The following NLGN1 variants were observed in gnomAD, a reference collection of about 807,000 sequenced individuals.
NLGN1 encodes neuroligin 1, also known as neuroligin-1.
Under a neutral mutation model 65.5 loss-of-function variants are expected in NLGN1, and 12 were observed. That is an observed-to-expected ratio of 0.18 (90% CI 0.12 to 0.30). The LOEUF (loss-of-function observed/expected upper bound fraction) is 0.30, where lower values mean the gene tolerates loss of function less well. NLGN1 is among the 10% of genes least tolerant of loss of function. NLGN1 has a pLI of 1.00. For missense variants in NLGN1, 750 were observed against 1,007.1 expected (o/e 0.74, Z 3.46); for synonymous variants, 350 against 359.5 (o/e 0.97, Z 0.30).
chr3:173,649,571 C>T (rs538990750), intron 3 of NLGN1, among the ~76,000 whole-genome samples: 2 of 151,980 alleles, frequency 1.3e-5, no homozygotes, highest in Non-Finnish European at 1.5e-5. Context: ...TCTTTTTCAC[C>T]TTCACATTCC....
At chr3:174,131,172 G>A (rs578091544) in intron 4 of NLGN1, among the ~76,000 whole-genome samples, 3 of 152,138 alleles carry the variant, frequency 2.0e-5, no homozygotes, top group East Asian at 1.9e-4. Context: ...TTTCTCCAAG[G>A]CTAATGTACG....
intron 3 of NLGN1, among the ~76,000 whole-genome samples, chr3:173,791,868 C>G (rs1188616421): frequency 6.6e-6 from 1 of 152,142 alleles, no homozygotes; most frequent in South Asian, 2.1e-4. Flanking sequence ...GTTTCTTCAC[C>G]TGTGAAATGA....
At chr3:173,843,910 T>C (rs1725272825) in intron 4 of NLGN1, among the ~76,000 whole-genome samples, 1 of 152,200 alleles carries the variant, frequency 6.6e-6, no homozygotes. Context: ...TAGTCCATTT[T>C]CATGCTGCTG....
intron 4 of NLGN1, among the ~76,000 whole-genome samples, chr3:174,170,210 T>G (rs771397408): frequency 6.6e-6 from 1 of 151,718 alleles, no homozygotes; most frequent in African/African-American, 2.4e-5. Context: ...ACCTCTAATC[T>G]ATCATCTTTG....
At chr3:173,455,272 T>A (rs1210797369) in intron 2 of NLGN1, among the ~76,000 whole-genome samples, 2 of 152,154 alleles carry the variant, frequency 1.3e-5, no homozygotes, top group Non-Finnish European at 2.9e-5. Context: ...TGGTGAGACC[T>A]GGAGCAAGGG....
In NLGN1 at chr3:173,680,052, A is replaced by T. The variant is rs768388978; in HGVS notation, c.493+74961A>T. ...TGGCTGGAGAAAAAGAAATAAATGAATGGAGAAATATGTTCTGGAAAAGTG... is the reference window on the plus strand; with the variant it reads ...TGGCTGGAGAAAAAGAAATAAATGATTGGAGAAATATGTTCTGGAAAAGTG... On this transcript the variant is annotated intron_variant, in intron 3 of 6. Coordinates refer to ENST00000457714, the Ensembl canonical transcript of NLGN1. Among the ~76,000 whole-genome samples, 49 of 152,154 alleles carry T rather than the reference A, an allele frequency of 3.2e-4. 3 individuals carry two copies.
At chr3:173,981,788 A>G (rs935134926) in intron 4 of NLGN1, among the ~76,000 whole-genome samples, 1 of 152,124 alleles carries the variant, frequency 6.6e-6, no homozygotes, top group Non-Finnish European at 1.5e-5. Context: ...AATAACACAC[A>G]TATTTATACT....
chr3:174,122,075 T>C (rs941048256), intron 4 of NLGN1, among the ~76,000 whole-genome samples: 1 of 152,184 alleles, frequency 6.6e-6, no homozygotes, highest in Non-Finnish European at 1.5e-5. Context: ...AAATTCCTTC[T>C]CCTTTGGACT....
intron 2 of NLGN1, among the ~76,000 whole-genome samples, chr3:173,446,060 CT>C (rs554305581): frequency 1.2e-3 from 170 of 145,138 alleles, no homozygotes; most frequent in African/African-American, 2.7e-3. Context: ...TTCTTTTTTT[CT>C]TTTTTTTTTT....
intron 4 of NLGN1, among the ~76,000 whole-genome samples, chr3:174,221,307 A>C (rs1738597703): frequency 6.6e-6 from 1 of 152,146 alleles, no homozygotes; most frequent in South Asian, 2.1e-4. Flanking sequence ...CCAGAGGGTA[A>C]GGCTGTTTGC....
intron 4 of NLGN1, among the ~76,000 whole-genome samples, chr3:173,913,520 C>T (rs892825828): frequency 2.0e-5 from 3 of 152,092 alleles, no homozygotes; most frequent in African/African-American, 7.2e-5. Context: ...AGCCCAGGAA[C>T]GAGTGAAGAA....
At chr3:173,584,399 A>ATT (rs66827074) in intron 2 of NLGN1, among the ~76,000 whole-genome samples, 2,427 of 30,826 alleles carry the variant, frequency 0.079, 463 homozygotes, top group East Asian at 0.15. Context: ...GGTCCTCGGC[A>ATT]TTTTTTTTTT....
At chr3:173,725,605 T>C (rs187886389) in intron 3 of NLGN1, among the ~76,000 whole-genome samples, 1 of 152,350 alleles carries the variant, frequency 6.6e-6, no homozygotes, top group East Asian at 1.9e-4. Context: ...AGGTATTGCA[T>C]TAGTTTTCTA....
chr3:173,967,994 G>A (rs189763540), intron 4 of NLGN1, among the ~76,000 whole-genome samples: 2 of 152,260 alleles, frequency 1.3e-5, no homozygotes, highest in East Asian at 1.9e-4. Flanking sequence ...TAGCTGACGC[G>A]TGTTCCAGTA....
chr3:173,524,221 C>T (rs375354305), intron 2 of NLGN1, among the ~76,000 whole-genome samples: 11 of 152,046 alleles, frequency 7.2e-5, no homozygotes, highest in East Asian at 3.9e-4. Flanking sequence ...CCACTGTGCC[C>T]GGCCTCATAT....
chr3:174,032,507 G>A (rs1436540712), intron 4 of NLGN1, among the ~76,000 whole-genome samples: 2 of 152,150 alleles, frequency 1.3e-5, no homozygotes, highest in African/African-American at 4.8e-5. Flanking sequence ...TGGGGAACTT[G>A]TTAGAAATGC....
chr3:173,983,624 G>A (rs1420079538), intron 4 of NLGN1, among the ~76,000 whole-genome samples: 3 of 152,016 alleles, frequency 2.0e-5, no homozygotes, highest in African/African-American at 7.2e-5. Context: ...TGTAGTCTCT[G>A]ACTCGTGCCC....
rs112560290 is a variant in NLGN1 at position 173,797,696 on chromosome 3, C to CAAAA, written c.494-9982_494-9981insAAAA. Among the ~76,000 whole-genome samples the CAAAA allele has an allele frequency of 2.1e-4, 30 of 144,732 alleles. 1 individual carries two copies. Among genetic ancestry groups the CAAAA allele is most frequent in the Admixed American group, 3.4e-4 (5 of 14,736 alleles). The allele number at this position is 144,732 out of a possible 152,430, so 94.9% of individuals were successfully genotyped here. A position where few individuals can be genotyped will look rare whatever the true frequency, so the allele number is the denominator to read the frequency against. On this transcript the variant is annotated intron_variant, in intron 3 of 6. Coordinates refer to ENST00000457714, the Ensembl canonical transcript of NLGN1. ...ACAAAAAATAAAACAACAACAACAA[C>CAAAA]AACAAAAAAAAACAAGAAACAAACA...
rs541687857 is a variant in NLGN1, at chr3:173,689,337, T to C, written c.493+84246T>C. Among the ~76,000 whole-genome samples the C allele has an allele frequency of 3.9e-4, 60 of 152,294 alleles. 1 individual carries two copies. Among genetic ancestry groups the C allele is most frequent in the Non-Finnish European group, 1.0e-4 (7 of 68,010 alleles). On this transcript the variant is annotated intron_variant, in intron 3 of 6. Transcript: ENST00000457714. ...AGGTATCTTGTAAGGAGGCTTCCCC[T>C]GGGAAGTTACAGAGACTTGGGTAAT...
Sources: allele counts gnomAD v4.1 joint callset (sites outside exome capture counted in the v4.1 genomes callset), GRCh38; gene constraint gnomAD v4.1.1; transcripts MANE v1.5; gene names NCBI Gene and HGNC (gene_info 2026-07-23, HGNC 2026-07-21).